Variants in MGST1 observed in about 807,000 individuals in gnomAD.
MGST1 encodes the protein glutathione S-transferase 12.
Under a neutral mutation model 8.9 loss-of-function variants are expected in MGST1, and 5 were observed. That is an observed-to-expected ratio of 0.56 (90% confidence interval 0.29 to 1.19). The LOEUF (loss-of-function observed/expected upper bound fraction) is 1.19, where lower values mean the gene tolerates loss of function less well. Ranked by LOEUF, MGST1 falls within the 50% of genes most tolerant of loss-of-function variation. MGST1 has a pLI of 0.08. For missense variants in MGST1, 182 were observed against 187.4 expected (o/e 0.97, Z 0.17); for synonymous variants, 54 against 67.8 (o/e 0.80, Z 1.00).
chr12:16,508,649 G>C (rs1426252598), intron 4 of MGST1, among the ~76,000 whole-genome samples: 1 of 152,120 alleles, frequency 6.6e-6, no homozygotes, highest in Non-Finnish European at 1.5e-5. Context: ...CTTCAACTTT[G>C]ATATATCTTT....
intron 1 of MGST1, among the ~76,000 whole-genome samples, chr12:16,396,839 A>G (rs1428540501): frequency 6.6e-6 from 1 of 152,002 alleles, no homozygotes; most frequent in African/African-American, 2.4e-5. Context: ...TAGAATCAAT[A>G]TTGTGAAAAC....
rs1941368193 is a variant in MGST1, at chr12:16,482,108, C to T, written n.482+98504C>T. On this transcript the variant is annotated intron_variant and non_coding_transcript_variant, in intron 4 of 4. Transcript: ENST00000538857. The surrounding 1 kb of genome is among the most constrained non-coding windows in gnomAD (Gnocchi z 4.2). ...ATAATAGTCAACATAAAATTGTATT[C>T]TAGCTAAATTTTACTTAAAACGCTG... Among the ~76,000 whole-genome samples, 1 of 152,090 alleles carries T rather than the reference C, an allele frequency of 6.6e-6. No individual in the cohort carries two copies. Among genetic ancestry groups the T allele is most frequent in the South Asian group, 2.1e-4 (1 of 4,826 alleles).
intron 3 of MGST1, chr12:16,360,467 A>G: frequency 1.6e-6 from 1 of 643,784 alleles, no homozygotes; most frequent in Non-Finnish European, 1.9e-6. Context: ...AAATACCAAG[A>G]TATGTGACTT....
In MGST1 at chr12:16,413,330, C is replaced by T. The variant is rs964787530; in HGVS notation, n.779-24058C>T. Reference sequence around the variant, plus strand: ...CTGTCAAGGGAGAGTCTTACAGACACAACTGCCTGCATGTCCATGAATCCT... The same window carrying T: ...CTGTCAAGGGAGAGTCTTACAGACATAACTGCCTGCATGTCCATGAATCCT... On this transcript the variant is annotated intron_variant and non_coding_transcript_variant, in intron 1 of 1. Coordinates refer to the MGST1 transcript ENST00000359720. This position sits in a 1 kb window ranked among gnomAD's most constrained non-coding sequence, Gnocchi z 4.0. 1.3e-5 allele frequency among the ~76,000 whole-genome samples: 2 copies of T among 152,152 alleles called. No individual in the cohort carries two copies. Among genetic ancestry groups the T allele is most frequent in the African/African-American group, 2.4e-5 (1 of 41,436 alleles).
At chr12:16,581,365 G>A (rs181797554) in intron 4 of MGST1, among the ~76,000 whole-genome samples, 15 of 152,256 alleles carry the variant, frequency 9.9e-5, no homozygotes, top group Admixed American at 9.2e-4. Context: ...TCTCTAAAAT[G>A]GGTTTAATAA....
intron 1 of MGST1, among the ~76,000 whole-genome samples, chr12:16,349,723 T>C (rs1397603889): frequency 6.6e-6 from 1 of 151,758 alleles, no homozygotes; most frequent in Non-Finnish European, 1.5e-5. Context: ...ACACACAGCA[T>C]TTAACAGGTC....
At chr12:16,575,527 T>C (rs1390387153) in intron 4 of MGST1, among the ~76,000 whole-genome samples, 1 of 152,208 alleles carries the variant, frequency 6.6e-6, no homozygotes, top group Middle Eastern at 3.2e-3. Context: ...CCAGACACTG[T>C]TCTAAGCATT....
rs552061408 is a variant in MGST1 at position 16,513,379 on chromosome 12, C to T, written n.483-76149C>T. Reference sequence around the variant, plus strand: ...CCGTCCTGCGTCTGCCCACTGCCCTCCTACCGTCCACCATGGCTCCTCTGC... The same window carrying T: ...CCGTCCTGCGTCTGCCCACTGCCCTTCTACCGTCCACCATGGCTCCTCTGC... On this transcript the variant is annotated intron_variant and non_coding_transcript_variant, in intron 4 of 4. Coordinates refer to the MGST1 transcript ENST00000538857. This position sits in a 1 kb window ranked among gnomAD's most constrained non-coding sequence, Gnocchi z 4.2. 8 of 370,136 alleles carry T rather than the reference C, an allele frequency of 2.2e-5. No individual in the cohort carries two copies. The highest frequency in any genetic ancestry group is 1.9e-4 in the Admixed American group (5 of 26,792). The allele number at this position is 370,136 out of a possible 1,614,324, so 22.9% of individuals were successfully genotyped here. A position where few individuals can be genotyped will look rare whatever the true frequency, so the allele number is the denominator to read the frequency against.
intron 4 of MGST1, among the ~76,000 whole-genome samples, chr12:16,487,971 A>T (rs1028572110): frequency 6.6e-6 from 1 of 152,234 alleles, no homozygotes; most frequent in Admixed American, 6.5e-5. Flanking sequence ...ATGGTGAAAA[A>T]TTTGAATTAC....
Position 16,414,704 on chromosome 12 carries a change from C to T in MGST1, n.779-22684C>T, listed in dbSNP as rs867155838. 6.6e-5 allele frequency among the ~76,000 whole-genome samples: 10 copies of T among 152,238 alleles called. No individual in the cohort carries two copies. In the Middle Eastern group the frequency reaches 0.01, roughly 155 times the overall value. On this transcript the variant is annotated intron_variant and non_coding_transcript_variant, in intron 1 of 1. Coordinates refer to the MGST1 transcript ENST00000359720. ...TGCTGGGATTACAGGTGTGAGCCAC[C>T]GCGCCCGGCCAAGGTGGTTATTTTA...
chr12:16,366,358 T>C (rs768883107), downstream of MGST1, among the ~76,000 whole-genome samples: 8 of 152,126 alleles, frequency 5.3e-5, no homozygotes, highest in Non-Finnish European at 1.2e-4. The surrounding 1 kb of genome is among the most constrained non-coding windows in gnomAD (Gnocchi z 4.0). Flanking sequence ...ACTGCTTTTA[T>C]GAAGGAAGGT....
At chr12:16,403,835 G>A (rs1940678999) in intron 1 of MGST1, among the ~76,000 whole-genome samples, 1 of 152,064 alleles carries the variant, frequency 6.6e-6, no homozygotes, top group Non-Finnish European at 1.5e-5. Flanking sequence ...ACCAGATCTT[G>A]TGAGAACTCA....
rs914293051 is a variant in MGST1, at chr12:16,513,775, A to G, written n.483-75753A>G. The G allele has an allele frequency of 8.5e-6, 5 of 589,122 alleles. No homozygotes were observed. The allele number at this position is 589,122 out of a possible 1,614,324, so 36.5% of individuals were successfully genotyped here. On this transcript the variant is annotated intron_variant and non_coding_transcript_variant, in intron 4 of 4. Coordinates refer to the MGST1 transcript ENST00000538857. The surrounding 1 kb of genome is among the most constrained non-coding windows in gnomAD (Gnocchi z 4.2). ...TGGCCGGTTTGTCACTGTGCAGACC[A>G]TTTCTGGAACTAGTGCCTTAAGGAT...
intron 4 of MGST1, among the ~76,000 whole-genome samples, chr12:16,505,215 T>A (rs187102210): frequency 6.6e-6 from 1 of 152,160 alleles, no homozygotes; most frequent in Non-Finnish European, 1.5e-5. Flanking sequence ...CCTTTGAAAG[T>A]CTAATGAGAG....
At chr12:16,558,581 A>G (rs1942276144) in intron 4 of MGST1, among the ~76,000 whole-genome samples, 1 of 152,060 alleles carries the variant, frequency 6.6e-6, no homozygotes, top group African/African-American at 2.4e-5. Context: ...TTGCCAATTT[A>G]TTTTCGTCTA....
intron 4 of MGST1, among the ~76,000 whole-genome samples, chr12:16,558,559 A>T (rs1047582320): frequency 7.2e-5 from 11 of 151,780 alleles, no homozygotes; most frequent in Non-Finnish European, 1.3e-4. Flanking sequence ...TCCCTACCAA[A>T]AACATGTGCA....
chr12:16,507,072 A>T (rs1941542685), intron 4 of MGST1, among the ~76,000 whole-genome samples: 1 of 152,068 alleles, frequency 6.6e-6, no homozygotes, highest in Admixed American at 6.5e-5. Flanking sequence ...AGTACATAGG[A>T]GGGAGAGTCT....
intron 4 of MGST1, among the ~76,000 whole-genome samples, chr12:16,557,578 T>C (rs1258852754): frequency 6.6e-6 from 1 of 152,062 alleles, no homozygotes; most frequent in African/African-American, 2.4e-5. Flanking sequence ...TGAGCATTTG[T>C]TTTTATACAA....
chr12:16,520,887 C>T (rs1378002907), intron 4 of MGST1, among the ~76,000 whole-genome samples: 1 of 152,058 alleles, frequency 6.6e-6, no homozygotes, highest in East Asian at 1.9e-4. Flanking sequence ...TTCCTTACCC[C>T]GTCTTCTTAT....
Sources: allele counts gnomAD v4.1 joint callset (sites outside exome capture counted in the v4.1 genomes callset), GRCh38; gene constraint gnomAD v4.1.1; non-coding constraint Gnocchi (gnomAD v3.1); transcripts MANE v1.5; gene names NCBI Gene and HGNC (gene_info 2026-07-23, HGNC 2026-07-21).